Variants in EPS15 observed in about 807,000 individuals in gnomAD.
EPS15 encodes epidermal growth factor receptor substrate 15.
A neutral mutation model predicts 113.8 loss-of-function variants in EPS15; 72 were observed. The observed-to-expected ratio is 0.63, with a 90% CI of 0.52 to 0.77. The LOEUF (loss-of-function observed/expected upper bound fraction) is 0.77, where lower values mean the gene tolerates loss of function less well. EPS15 is among the 30% of genes least tolerant of loss of function. The pLI is 0.00. For synonymous variants in EPS15, 344 were observed against 363.4 expected, an observed-to-expected ratio of 0.95 and a Z score of 0.61; for missense variants, 1,048 against 1,045.8, an observed-to-expected ratio of 1.00 and a Z score of -0.03.
chr1:51,493,544 A>AT (rs1195761844), intron 1 of EPS15, among the ~76,000 whole-genome samples: 3 of 138,124 alleles, frequency 2.2e-5, no homozygotes, highest in Non-Finnish European at 4.7e-5. Context: ...AAATAAATAA[A>AT]TAAATAAATA....
intron 11 of EPS15, among the ~76,000 whole-genome samples, chr1:51,442,593 C>T (rs1418490425): frequency 1.3e-5 from 2 of 151,820 alleles, no homozygotes; most frequent in Non-Finnish European, 2.9e-5. Context: ...TTCTCTTACC[C>T]TATTCTTGTG....
At chr1:51,504,828 A>C (rs1274863058) in intron 1 of EPS15, among the ~76,000 whole-genome samples, 1 of 152,156 alleles carries the variant, frequency 6.6e-6, no homozygotes, top group Non-Finnish European at 1.5e-5. Flanking sequence ...AGCTGCTCTA[A>C]AACAGTCAGC....
intron 8 of EPS15, among the ~76,000 whole-genome samples, chr1:51,460,051 C>T (rs754635646): frequency 1.3e-5 from 2 of 152,092 alleles, no homozygotes; most frequent in Non-Finnish European, 2.9e-5. Context: ...GATGGTTCTT[C>T]TAACAGATCA....
chr1:51,363,737 A>G, intron 23 of EPS15, 129 bp downstream of exon 23: 2 of 723,434 alleles, frequency 2.8e-6, no homozygotes, highest in Non-Finnish European at 2.1e-6. Flanking sequence ...AATGAATGAC[A>G]GCAGCAGGCT....
At chr1:51,357,416 ATATATATATAT>A (rs1455721942) in intron 24 of EPS15, among the ~76,000 whole-genome samples, 17 of 64,498 alleles carry the variant, frequency 2.6e-4, no homozygotes, top group African/African-American at 1.1e-3. Flanking sequence ...ATATATATAT[ATATATATATAT>A]TTTTTTTTTT....
intron 1 of EPS15, among the ~76,000 whole-genome samples, chr1:51,483,608 C>A (rs1446393805): frequency 2.0e-5 from 3 of 151,928 alleles, no homozygotes; most frequent in Non-Finnish European, 4.4e-5. Context: ...GAGATCAAGA[C>A]CATCTTGGCC....
chr1:51,355,515 A>C lies in EPS15; in HGVS notation c.*1185T>G, dbSNP rs1029870015. 5.2e-6 allele frequency: 1 copy of C among 193,310 alleles called. No individual in the cohort carries two copies. The highest frequency in any genetic ancestry group is 6.1e-5 in the Admixed American group (1 of 16,366). The allele number at this position is 193,310 out of a possible 1,614,324, so 12.0% of individuals were successfully genotyped here. On this transcript the variant is annotated 3_prime_UTR_variant, in exon 25 of 25. Coordinates refer to ENST00000371733, the MANE Select transcript of EPS15 (RefSeq NM_001981.3). Reference sequence around the variant, plus strand: ...TCTTTTAACATGAAGAGGTCTGATAATCTGGCAGGTCTCTTCTCTCCCAAT... The same window carrying C: ...TCTTTTAACATGAAGAGGTCTGATACTCTGGCAGGTCTCTTCTCTCCCAAT...
intron 18 of EPS15, 158 bp from the exon 19 acceptor site, chr1:51,401,111 T>C: frequency 3.9e-6 from 2 of 514,990 alleles, no homozygotes; most frequent in Non-Finnish European, 6.9e-6. Flanking sequence ...CCTTATGAAA[T>C]ATACAGCCAA....
At chr1:51,510,308 T>C (rs1020557503) in intron 1 of EPS15, among the ~76,000 whole-genome samples, 1 of 152,168 alleles carries the variant, frequency 6.6e-6, no homozygotes, top group Non-Finnish European at 1.5e-5. Flanking sequence ...ATATCATCAA[T>C]GACTATAGGA....
chr1:51,404,927 C>A (rs1473336012), intron 16 of EPS15, among the ~76,000 whole-genome samples: 1 of 152,210 alleles, frequency 6.6e-6, no homozygotes, highest in Non-Finnish European at 1.5e-5. Context: ...CTTACCAATA[C>A]CCTCTCCACC....
intron 3 of EPS15, 25 bp from the exon 4 acceptor site, chr1:51,471,762 C>G: frequency 6.5e-7 from 1 of 1,546,002 alleles, no homozygotes; most frequent in South Asian, 1.1e-5. Context: ...GAAAAAATAT[C>G]AATGTATATT....
intron 21 of EPS15, among the ~76,000 whole-genome samples, chr1:51,374,845 A>C (rs1386460912): frequency 6.6e-6 from 1 of 151,974 alleles, no homozygotes; most frequent in East Asian, 1.9e-4. Context: ...CTGGAATTAC[A>C]GGTGCATGCC....
intron 21 of EPS15, among the ~76,000 whole-genome samples, chr1:51,377,795 A>C (rs2148374097): frequency 6.6e-6 from 1 of 152,204 alleles, no homozygotes; most frequent in African/African-American, 2.4e-5. Context: ...CCCAACCTTC[A>C]GCAGCTAACA....
intron 8 of EPS15, among the ~76,000 whole-genome samples, chr1:51,451,212 G>A (rs948260614): frequency 1.3e-5 from 2 of 151,812 alleles, no homozygotes. Context: ...AGATAGGCTG[G>A]GCGTGGTGGC....
At chr1:51,367,309 T>G (rs1646529188) in intron 21 of EPS15, among the ~76,000 whole-genome samples, 1 of 152,114 alleles carries the variant, frequency 6.6e-6, no homozygotes, top group Non-Finnish European at 1.5e-5. Context: ...CCCAGCACTT[T>G]GGGAAACATA....
intron 8 of EPS15, among the ~76,000 whole-genome samples, chr1:51,452,898 T>G (rs1340068582): frequency 6.6e-6 from 1 of 152,220 alleles, no homozygotes; most frequent in Non-Finnish European, 1.5e-5. Context: ...ACTCAGAATT[T>G]TCTAACCAGC....
Position 51,423,164 on chromosome 1 carries a change from A to G in EPS15, c.1041-1306T>C, listed in dbSNP as rs1019881511. On this transcript the variant is annotated intron_variant, in intron 12 of 24. Coordinates refer to ENST00000371733, the MANE Select transcript of EPS15 (RefSeq NM_001981.3). ...AGCATACAAATAAAGCTATTTGTAC[A>G]CTGTTACTTTTAAACATTTGAGATG... 6.4e-5 allele frequency: 81 copies of G among 1,272,624 alleles called. No individual in the cohort carries two copies. In the East Asian group the frequency reaches 3.6e-3, roughly 56 times the overall value. The allele number at this position is 1,272,624 out of a possible 1,614,324, so 78.8% of individuals were successfully genotyped here.
At chr1:51,510,835 G>GA (rs56210019) in intron 1 of EPS15, among the ~76,000 whole-genome samples, 3,336 of 152,252 alleles carry the variant, frequency 0.022, 32 homozygotes, top group Middle Eastern at 0.034. Flanking sequence ...CTCACCCCTA[G>GA]AAAGTATATC....
intron 1 of EPS15, among the ~76,000 whole-genome samples, chr1:51,497,068 A>G (rs1447343896): frequency 6.6e-6 from 1 of 152,246 alleles, no homozygotes; most frequent in Non-Finnish European, 1.5e-5. Context: ...TGCATACAGA[A>G]AAAAGCTATT....
Sources: allele counts gnomAD v4.1 joint callset (sites outside exome capture counted in the v4.1 genomes callset), GRCh38; gene constraint gnomAD v4.1.1; transcripts MANE v1.5; gene names NCBI Gene and HGNC (gene_info 2026-07-23, HGNC 2026-07-21).